TRPC1: variants seen among roughly 807,000 people sequenced by gnomAD.
TRPC1 encodes the protein transient receptor potential cation channel subfamily C member 1.
Under a neutral mutation model 88.2 loss-of-function variants are expected in TRPC1, and 42 were observed. The observed-to-expected ratio is 0.48, with a 90% confidence interval of 0.37 to 0.62. The LOEUF (loss-of-function observed/expected upper bound fraction) is 0.62. TRPC1 is among the 20% of genes least tolerant of loss of function. The pLI is 0.00. For missense variants in TRPC1, 699 were observed against 957.3 expected, an observed-to-expected ratio of 0.73 and a Z score of 3.56; for synonymous variants, 288 against 331.8, an observed-to-expected ratio of 0.87 and a Z score of 1.43.
rs1257529975 is a variant in TRPC1, at chr3:142,804,576, G to A, written c.2100G>A (p.Lys700=). 1 of 1,612,616 alleles carries A rather than the reference G, an allele frequency of 6.2e-7. No homozygotes were observed. The highest frequency in any genetic ancestry group is 8.5e-7 in the Non-Finnish European group (1 of 1,179,224). Residue 700 remains lysine, a synonymous_variant, in exon 12 of 13, where the codon AAG becomes AAA. Transcript: ENST00000476941. ...GCTATATGATTAGTAGCCTCAGTAA[G>A]TGGATTTGCTCTCATACATCAAAAG... ...TICYMISSLS[K]WICSHTSKGK... is the part of the protein sequence containing the mutation.
intron 7 of TRPC1, among the ~76,000 whole-genome samples, chr3:142,787,140 G>A (rs915081405): frequency 6.6e-5 from 10 of 152,142 alleles, no homozygotes; most frequent in African/African-American, 2.4e-4. Flanking sequence ...AAGAATGCAT[G>A]TGCATTAAGC....
At chr3:142,765,871 C>T (rs1458503426) in intron 4 of TRPC1, among the ~76,000 whole-genome samples, 1 of 151,642 alleles carries the variant, frequency 6.6e-6, no homozygotes, top group Non-Finnish European at 1.5e-5. Context: ...CTTAAATAAC[C>T]CCATTAAAAA....
At chr3:142,790,644 G>A (rs9810606) in intron 7 of TRPC1, among the ~76,000 whole-genome samples, 4,474 of 152,160 alleles carry the variant, frequency 0.029, 233 homozygotes, top group African/African-American at 0.1. Flanking sequence ...GTGTGTACGT[G>A]TGTGCGTGCA....
intron 7 of TRPC1, among the ~76,000 whole-genome samples, chr3:142,790,674 G>A (rs906664005): frequency 6.6e-6 from 1 of 152,024 alleles, no homozygotes; most frequent in Non-Finnish European, 1.5e-5. Context: ...GTGTATCCGT[G>A]TGTGTCTCCG....
chr3:142,805,530 T>A (rs988562811), intron 12 of TRPC1, among the ~76,000 whole-genome samples: 1 of 152,186 alleles, frequency 6.6e-6, no homozygotes, highest in African/African-American at 2.4e-5. Context: ...CTTTTATTGA[T>A]AAAAGTCAAA....
intron 5 of TRPC1, among the ~76,000 whole-genome samples, chr3:142,779,940 G>A (rs1935907852): frequency 6.8e-6 from 1 of 148,106 alleles, no homozygotes; most frequent in Non-Finnish European, 1.5e-5. Flanking sequence ...CTCCCCTCCT[G>A]GGTTCAAGCA....
intron 2 of TRPC1, 25 bp from the exon 3 acceptor site, chr3:142,743,460 T>C (rs1318962642): frequency 1.7e-5 from 25 of 1,445,982 alleles, no homozygotes; most frequent in Non-Finnish European, 2.3e-5. Flanking sequence ...TCCATTTTCA[T>C]TTTTAACTTT....
At chr3:142,797,599 T>C (rs1229916213) in intron 9 of TRPC1, among the ~76,000 whole-genome samples, 2 of 152,104 alleles carry the variant, frequency 1.3e-5, no homozygotes, top group African/African-American at 4.8e-5. Flanking sequence ...TGAATGAACA[T>C]CCCCTTGGGT....
At chr3:142,762,322 C>T in intron 4 of TRPC1, among the ~76,000 whole-genome samples, 1 of 152,054 alleles carries the variant, frequency 6.6e-6, no homozygotes, top group African/African-American at 2.4e-5. Flanking sequence ...AGGTATGAGC[C>T]ACCGTGCCTG....
At chr3:142,786,863 A>T (rs1160103408) in intron 7 of TRPC1, among the ~76,000 whole-genome samples, 1 of 152,204 alleles carries the variant, frequency 6.6e-6, no homozygotes, top group Non-Finnish European at 1.5e-5. Flanking sequence ...GTGTTTTGTT[A>T]GATTTAGTTT....
At chr3:142,727,979 C>G (rs1461052149) in intron 1 of TRPC1, among the ~76,000 whole-genome samples, 1 of 150,200 alleles carries the variant, frequency 6.7e-6, no homozygotes. Context: ...GTTAATTTTC[C>G]TCTAAAAAAA....
In TRPC1 at chr3:142,806,079, C is replaced by G. The variant is rs1381583185; in HGVS notation, c.2226C>G (p.Tyr742Ter). Residue 742 changes from tyrosine (Y) to a stop codon, truncating the protein, a stop_gained, in exon 13 of 13, where the codon TAC (tyrosine) becomes TAG (stop). Coordinates refer to ENST00000476941, the MANE Select transcript of TRPC1 (RefSeq NM_001251845.2). LOFTEE classifies it high-confidence loss of function. ...TGATGTGCTGCCTAGTGCATCGTTA[C>G]TTGACTTCCATGAGACAGAAGATGC... ...QKVMCCLVHRYLTSMRQKMQS... is the reference protein window; with the variant it reads ...QKVMCCLVHR The G allele has an allele frequency of 1.2e-6, 2 of 1,613,960 alleles. No individual in the cohort carries two copies. Among genetic ancestry groups the G allele is most frequent in the Admixed American group, 3.3e-5 (2 of 59,998 alleles).
chr3:142,750,114 C>T (rs554388465), intron 4 of TRPC1, among the ~76,000 whole-genome samples: 1 of 151,928 alleles, frequency 6.6e-6, no homozygotes, highest in South Asian at 2.1e-4. Flanking sequence ...GCAAAAGAAA[C>T]TATCATCAGA....
At chr3:142,795,942 G>GA (rs761358244) in intron 9 of TRPC1, among the ~76,000 whole-genome samples, 3 of 151,434 alleles carry the variant, frequency 2.0e-5, no homozygotes, top group East Asian at 3.9e-4. Context: ...ATATTTTAAA[G>GA]AAAAAACGAC....
Position 142,743,467 on chromosome 3 carries a change from C to CTT in TRPC1, c.328-6_328-5dup, listed in dbSNP as rs548918869. ...TTTTATCTTCCATTTTCATTTTTAA[C>CTT]TTTTTTTTTTTTTGAAGTCTGCAGA... On this transcript the variant is annotated splice_polypyrimidine_tract_variant and intron_variant, in intron 2 of 12. Transcript: ENST00000476941. 6.2e-4 allele frequency: 716 copies of CTT among 1,151,216 alleles called. No individual in the cohort carries two copies. The highest frequency in any genetic ancestry group is 1.8e-3 in the South Asian group (113 of 61,676). The allele number at this position is 1,151,216 out of a possible 1,614,324, so 71.3% of individuals were successfully genotyped here.
At chr3:142,795,255 A>C (rs2108148754) in intron 9 of TRPC1, among the ~76,000 whole-genome samples, 1 of 152,146 alleles carries the variant, frequency 6.6e-6, no homozygotes, top group East Asian at 1.9e-4. Context: ...TACTAATGTA[A>C]TTGGAATCCC....
intron 5 of TRPC1, among the ~76,000 whole-genome samples, chr3:142,778,592 G>A (rs1049062173): frequency 6.6e-6 from 1 of 152,072 alleles, no homozygotes; most frequent in African/African-American, 2.4e-5. Flanking sequence ...AATTGATTAC[G>A]ATTTTTTACT....
intron 4 of TRPC1, among the ~76,000 whole-genome samples, chr3:142,764,291 C>T (rs1175938141): frequency 6.6e-6 from 1 of 151,948 alleles, no homozygotes; most frequent in Non-Finnish European, 1.5e-5. Flanking sequence ...ATGGATTGTA[C>T]ACCACAGATA....
intron 1 of TRPC1, among the ~76,000 whole-genome samples, chr3:142,731,702 C>G (rs1479433695): frequency 6.6e-6 from 1 of 151,956 alleles, no homozygotes; most frequent in Non-Finnish European, 1.5e-5. Flanking sequence ...GAATTTTTAA[C>G]CGATAACTCT....
Sources: allele counts gnomAD v4.1 joint callset (sites outside exome capture counted in the v4.1 genomes callset), GRCh38; gene constraint gnomAD v4.1.1; transcripts MANE v1.5; gene names NCBI Gene and HGNC (gene_info 2026-07-23, HGNC 2026-07-21).